The following GRID2 variants were observed in gnomAD, a reference collection of about 807,000 sequenced individuals.
GRID2 encodes the protein glutamate ionotropic receptor delta type subunit 2.
In GRID2, 33 loss-of-function variants were observed where a neutral mutation model predicts 114.8. The ratio of observed to expected loss-of-function variants is 0.29; its 90% CI spans 0.22 to 0.38. The LOEUF (loss-of-function observed/expected upper bound fraction) is 0.38, where lower values mean the gene tolerates loss of function less well. GRID2 is among the 10% of genes least tolerant of loss of function. The pLI, the probability that GRID2 is intolerant of heterozygous loss-of-function variation, is 1.00. For missense variants in GRID2, 1,184 were observed against 1,257.7 expected (o/e 0.94, Z 0.89); for synonymous variants, 505 against 449.9 (o/e 1.12, Z -1.55).
At chr4:93,629,648 G>A (rs1743067410) in intron 14 of GRID2, among the ~76,000 whole-genome samples, 2 of 152,062 alleles carry the variant, frequency 1.3e-5, no homozygotes, top group South Asian at 2.1e-4. Context: ...TATTACTATT[G>A]TGATTATTTT....
At chr4:92,838,780 T>A (rs936142164) in intron 2 of GRID2, 1 of 152,020 alleles carries the variant, frequency 6.6e-6, no homozygotes, top group East Asian at 1.9e-4. Context: ...CTGGAAGAAA[T>A]ACCTGCTCAA....
chr4:93,411,776 C>T (rs1767161021), intron 9 of GRID2, among the ~76,000 whole-genome samples: 1 of 151,786 alleles, frequency 6.6e-6, no homozygotes, highest in South Asian at 2.1e-4. Context: ...ATTTTTTCAG[C>T]CACTTAGTGA....
chr4:93,767,389 G>T (rs1733755979), intron 14 of GRID2, among the ~76,000 whole-genome samples: 1 of 152,152 alleles, frequency 6.6e-6, no homozygotes, highest in South Asian at 2.1e-4. Flanking sequence ...GAATAAGGGT[G>T]ACATATAACC....
chr4:92,499,629 T>C (rs1191412686), intron 1 of GRID2, among the ~76,000 whole-genome samples: 3 of 152,212 alleles, frequency 2.0e-5, no homozygotes, highest in Non-Finnish European at 2.9e-5. Flanking sequence ...ATTTATTATT[T>C]TGAGACAGAG....
At position 92,907,473 on chromosome 4, in the gene GRID2, G is replaced by A. The variant is rs188929255; in HGVS notation, c.245-177522G>A. On this transcript the variant is annotated intron_variant, in intron 2 of 15. Coordinates refer to ENST00000282020, the MANE Select transcript of GRID2 (RefSeq NM_001510.4). Reference sequence around the variant, plus strand: ...GTTTCCCAGGCTGTAGTGCAATGGCGCGATCTTGGCTCACTTCAACCTCCA... The same window carrying A: ...GTTTCCCAGGCTGTAGTGCAATGGCACGATCTTGGCTCACTTCAACCTCCA... 2.0e-4 allele frequency among the ~76,000 whole-genome samples: 30 copies of A among 152,060 alleles called. 1 individual carries two copies. In the Middle Eastern group the frequency reaches 0.02, roughly 103 times the overall value.
chr4:92,940,319 T>G (rs1372338769), intron 2 of GRID2, among the ~76,000 whole-genome samples: 1 of 147,102 alleles, frequency 6.8e-6, no homozygotes. Flanking sequence ...TTTTATTCTC[T>G]TTGAAGCAAT....
chr4:92,949,421 G>A (rs916647818), intron 2 of GRID2, among the ~76,000 whole-genome samples: 13 of 151,914 alleles, frequency 8.6e-5, no homozygotes, highest in Admixed American at 2.6e-4. Context: ...GTAACTCATC[G>A]TTTAACATTA....
rs1264917086 is a variant in GRID2, at chr4:93,221,349, A to C, written c.964-3265A>C. On this transcript the variant is annotated intron_variant, in intron 6 of 15. Transcript: ENST00000282020. ...AAAGATATCTCAAAGCAAGCCACAGATGGTGTCAAATATTGAAAGCTTGTC... is the reference window on the plus strand; with the variant it reads ...AAAGATATCTCAAAGCAAGCCACAGCTGGTGTCAAATATTGAAAGCTTGTC... Among the ~76,000 whole-genome samples, 7 of 152,242 alleles carry C rather than the reference A, an allele frequency of 4.6e-5. No homozygotes were observed. In the East Asian group the frequency reaches 1.4e-3, roughly 30 times the overall value.
At chr4:93,205,765 G>A (rs1742677584) in intron 4 of GRID2, among the ~76,000 whole-genome samples, 2 of 151,918 alleles carry the variant, frequency 1.3e-5, no homozygotes, top group African/African-American at 4.8e-5. Context: ...CTAGTTGACA[G>A]TCCCACCAAC....
At chr4:93,060,494 G>C (rs567395273) in intron 2 of GRID2, among the ~76,000 whole-genome samples, 4 of 152,050 alleles carry the variant, frequency 2.6e-5, no homozygotes, top group African/African-American at 4.8e-5. Context: ...TTAAATGCTA[G>C]TATCAGCTTC....
Position 92,948,010 on chromosome 4 carries a change from T to C in GRID2, c.245-136985T>C, listed in dbSNP as rs548576060. Among the ~76,000 whole-genome samples, 7 of 152,018 alleles carry C rather than the reference T, an allele frequency of 4.6e-5. No individual in the cohort carries two copies. The South Asian group carries it at 1.5e-3, about 31-fold the overall frequency. On this transcript the variant is annotated intron_variant, in intron 2 of 15. Transcript: ENST00000282020. ...CATATGAAGGTGGCACAAATTTAGC[T>C]TGTCCCTCAATTAATGGGAATTTAA...
chr4:93,331,873 T>C (rs1437205865), intron 8 of GRID2, among the ~76,000 whole-genome samples: 1 of 152,100 alleles, frequency 6.6e-6, no homozygotes, highest in Non-Finnish European at 1.5e-5. Flanking sequence ...TTTTTTCTGG[T>C]CAGTTCTTCC....
intron 2 of GRID2, among the ~76,000 whole-genome samples, chr4:93,032,972 C>A (rs1198580434): frequency 6.6e-6 from 1 of 152,146 alleles, no homozygotes; most frequent in African/African-American, 2.4e-5. Flanking sequence ...TGTGATGTTG[C>A]TGTTAATTGA....
intron 1 of GRID2, among the ~76,000 whole-genome samples, chr4:93,779,666 A>G (rs1175339798): frequency 6.6e-6 from 1 of 152,220 alleles, no homozygotes; most frequent in Non-Finnish European, 1.5e-5. Flanking sequence ...AAAATACTCT[A>G]TGAAAAGAGG....
Position 92,841,554 on chromosome 4 carries a change from A to G in GRID2, c.245-243441A>G, listed in dbSNP as rs148899794. ...AAGAATCTAAATATCAGTTAATATT[A>G]GTTTCGCTAGAAAAAGTTTAACATT... On this transcript the variant is annotated intron_variant, in intron 2 of 15. Transcript: ENST00000282020. Among the ~76,000 whole-genome samples the G allele has an allele frequency of 9.7e-4, 147 of 152,098 alleles. 2 individuals are homozygous for G. Among genetic ancestry groups the G allele is most frequent in the African/African-American group, 2.9e-3 (122 of 41,562 alleles).
intron 14 of GRID2, among the ~76,000 whole-genome samples, chr4:93,712,328 A>G (rs1220182632): frequency 2.0e-5 from 3 of 152,118 alleles, no homozygotes; most frequent in African/African-American, 7.2e-5. Flanking sequence ...TGATGCAATT[A>G]TAAGATTTTC....
chr4:92,624,378 G>T (rs530052593), intron 2 of GRID2, among the ~76,000 whole-genome samples: 188 of 151,886 alleles, frequency 1.2e-3, no homozygotes, highest in South Asian at 7.0e-3. Flanking sequence ...AGCATTTGCA[G>T]TTATTGATCC....
intron 13 of GRID2, among the ~76,000 whole-genome samples, chr4:93,533,363 A>C (rs1390654075): frequency 1.1e-4 from 10 of 90,850 alleles, no homozygotes; most frequent in African/African-American, 2.7e-4. Context: ...TCCCTTCCTT[A>C]CTTCTCTCTC....
intron 2 of GRID2, among the ~76,000 whole-genome samples, chr4:93,078,139 T>C (rs1729499695): frequency 6.6e-6 from 1 of 152,172 alleles, no homozygotes; most frequent in South Asian, 2.1e-4. Flanking sequence ...TGGTATTTCA[T>C]TGTCTCTGTG....
Sources: gnomAD v4.1 joint callset for allele counts (sites outside exome capture counted in the v4.1 genomes callset) on GRCh38, gnomAD v4.1.1 for gene constraint, MANE v1.5 for transcripts, NCBI Gene and HGNC (gene_info 2026-07-23, HGNC 2026-07-21) for gene names.